TTC23L: variants seen among roughly 807,000 people sequenced by gnomAD.
TTC23L encodes the protein tetratricopeptide repeat domain 23 like, also known as tetratricopeptide repeat protein 23-like.
In TTC23L, 42 loss-of-function variants were observed where a neutral mutation model predicts 48.1. That is an observed-to-expected ratio of 0.87 (90% CI 0.68 to 1.13). The LOEUF (loss-of-function observed/expected upper bound fraction) is 1.13. Among genes scored for constraint, TTC23L ranks in the 50% most tolerant of loss-of-function variants. TTC23L has a pLI of 0.00. For missense variants in TTC23L, 391 were observed against 421.0 expected (o/e 0.93, Z 0.62); for synonymous variants, 159 against 157.2 (o/e 1.01, Z -0.09).
At chr5:34,853,516 C>T (rs1056239931) in intron 4 of TTC23L, among the ~76,000 whole-genome samples, 10 of 151,834 alleles carry the variant, frequency 6.6e-5, no homozygotes, top group African/African-American at 2.2e-4. Context: ...GGCGACAGAG[C>T]GAGACTCTGT....
At chr5:34,924,055 A>G in the TTC23L span, among the ~76,000 whole-genome samples, 1 of 152,190 alleles carries the variant, frequency 6.6e-6, no homozygotes, top group Non-Finnish European at 1.5e-5. Context: ...AAGCACCTCA[A>G]AGGTTAAGAC....
At chr5:34,913,622 AAACT>A in the TTC23L span, 1 of 1,198,088 alleles carries the variant, frequency 8.3e-7, no homozygotes, top group Non-Finnish European at 1.2e-6. Flanking sequence ...AAAAGAATAA[AAACT>A]AATAATATAA....
At chr5:34,917,407 G>A in the TTC23L span, among the ~76,000 whole-genome samples, 1 of 151,934 alleles carries the variant, frequency 6.6e-6, no homozygotes, top group Non-Finnish European at 1.5e-5. Context: ...GCCGAGGCGG[G>A]TGGATCACTA....
intron 9 of TTC23L, among the ~76,000 whole-genome samples, chr5:34,890,474 A>G (rs989556453): frequency 1.4e-5 from 2 of 144,706 alleles, no homozygotes; most frequent in Non-Finnish European, 3.0e-5. Flanking sequence ...AAGGTTGGGT[A>G]TTTTGTTCAT....
At chr5:34,925,597 T>A in the TTC23L span, 2 of 989,594 alleles carry the variant, frequency 2.0e-6, no homozygotes, top group Non-Finnish European at 2.8e-6. Context: ...CTAATTAGTG[T>A]AGCATTTACA....
chr5:34,860,184 C>A (rs1242978683), intron 4 of TTC23L, among the ~76,000 whole-genome samples: 1 of 152,022 alleles, frequency 6.6e-6, no homozygotes, highest in Non-Finnish European at 1.5e-5. Context: ...TCCCTTCAGT[C>A]ATCTTTCTAC....
chr5:34,900,948 A>G (rs1763494325), downstream of TTC23L, among the ~76,000 whole-genome samples: 1 of 152,190 alleles, frequency 6.6e-6, no homozygotes, highest in Admixed American at 6.5e-5. Flanking sequence ...ATTGCAGTAC[A>G]GTACGTACTC....
At chr5:34,888,085 G>C (rs1230344758) in intron 9 of TTC23L, among the ~76,000 whole-genome samples, 1 of 152,140 alleles carries the variant, frequency 6.6e-6, no homozygotes, top group Non-Finnish European at 1.5e-5. Context: ...TTCATGAATG[G>C]GATTAGTGCC....
At chr5:34,864,455 C>A in exon 6 of TTC23L, 1 of 1,613,658 alleles carries the variant, frequency 6.2e-7, no homozygotes, top group Non-Finnish European at 8.5e-7. Flanking sequence ...AAGCCTATTT[C>A]AACCTGCAGA....
intron 8 of TTC23L, among the ~76,000 whole-genome samples, chr5:34,876,986 T>TA (rs1034550814): frequency 7.5e-4 from 112 of 149,832 alleles, no homozygotes; most frequent in African/African-American, 2.4e-3. Flanking sequence ...TAAAGTATAA[T>TA]AAAAAAAAAT....
chr5:34,842,826 C>CATGG (rs1341479195), intron 2 of TTC23L, among the ~76,000 whole-genome samples: 1 of 152,178 alleles, frequency 6.6e-6, no homozygotes, highest in East Asian at 1.9e-4. Flanking sequence ...GGTCACATCC[C>CATGG]ATGGGCCTTC....
intron 8 of TTC23L, among the ~76,000 whole-genome samples, chr5:34,876,731 C>G (rs1267052568): frequency 6.6e-6 from 1 of 151,128 alleles, no homozygotes; most frequent in Non-Finnish European, 1.5e-5. Context: ...TCTATGAAGC[C>G]AACATTACCC....
the TTC23L span, chr5:34,906,019 ATC>A: frequency 6.6e-6 from 1 of 151,956 alleles, no homozygotes; most frequent in Non-Finnish European, 1.5e-5. Context: ...CAATGGTGCA[ATC>A]TCGGCTCACT....
At chr5:34,865,771 C>A (rs538312897) in intron 6 of TTC23L, among the ~76,000 whole-genome samples, 2 of 152,174 alleles carry the variant, frequency 1.3e-5, no homozygotes, top group Non-Finnish European at 2.9e-5. Flanking sequence ...GCAATCAGAA[C>A]TCACTGAAAC....
chr5:34,923,873 G>C, the TTC23L span, among the ~76,000 whole-genome samples: 11 of 152,244 alleles, frequency 7.2e-5, no homozygotes, highest in African/African-American at 2.6e-4. Flanking sequence ...ATTCATGACT[G>C]TTAGTTGATA....
chr5:34,847,480 GT>G (rs3996923), intron 3 of TTC23L, among the ~76,000 whole-genome samples: 6,073 of 146,072 alleles, frequency 0.042, 153 homozygotes, highest in African/African-American at 0.071. Context: ...CAATAACGCT[GT>G]TTTTTTTTTT....
chr5:34,914,991 C>T, the TTC23L span: 1 of 1,360,428 alleles, frequency 7.4e-7, no homozygotes, highest in Non-Finnish European at 1.0e-6. Context: ...AAACTCCCAT[C>T]AGTGCTGGCG....
At chr5:34,865,936 G>T (rs1761020185) in intron 6 of TTC23L, among the ~76,000 whole-genome samples, 1 of 152,144 alleles carries the variant, frequency 6.6e-6, no homozygotes, top group African/African-American at 2.4e-5. Context: ...TATGTTAGGT[G>T]ATTTTATACT....
chr5:34,908,850 T>C, the TTC23L span: 3 of 1,612,132 alleles, frequency 1.9e-6, no homozygotes, highest in Non-Finnish European at 2.5e-6. Context: ...TCTAATCATA[T>C]ACTGTAATGA....
Sources: gnomAD v4.1 joint callset for allele counts (sites outside exome capture counted in the v4.1 genomes callset) on GRCh38, gnomAD v4.1.1 for gene constraint, MANE v1.5 for transcripts, NCBI Gene and HGNC (gene_info 2026-07-23, HGNC 2026-07-21) for gene names.